The following DENND1A variants were observed in gnomAD, a reference collection of about 807,000 sequenced individuals.
The protein encoded by DENND1A is DENN domain containing 1A.
In DENND1A, 51 loss-of-function variants were observed where a neutral mutation model predicts 113.7. The ratio of observed to expected loss-of-function variants is 0.45; its 90% CI spans 0.36 to 0.57. The LOEUF (loss-of-function observed/expected upper bound fraction) is 0.57, where lower values mean the gene tolerates loss of function less well. DENND1A is among the 20% of genes least tolerant of loss of function. The probability of loss-of-function intolerance (pLI) is 0.00; values close to 1 mark genes in which losing one functional copy is unlikely to be tolerated. For missense variants in DENND1A, 1,258 were observed against 1,395.9 expected (o/e 0.90, Z 1.57); for synonymous variants, 565 against 570.8 (o/e 0.99, Z 0.14).
At chr9:123,552,023 G>GAGAGAGAGAGAGAC (rs1276125302) in intron 13 of DENND1A, among the ~76,000 whole-genome samples, 1,998 of 140,848 alleles carry the variant, frequency 0.014, 25 homozygotes, top group Middle Eastern at 0.029. Flanking sequence ...GAGAGCGAGA[G>GAGAGAGAGAGAGAC]AGAGAGAGAG....
At chr9:123,493,893 A>G (rs1247783888) in intron 13 of DENND1A, among the ~76,000 whole-genome samples, 1 of 152,164 alleles carries the variant, frequency 6.6e-6, no homozygotes, top group African/African-American at 2.4e-5. Flanking sequence ...CCTGAGAGCA[A>G]TTTGAAAGAA....
chr9:123,848,515 T>C (rs1261414854), intron 2 of DENND1A, among the ~76,000 whole-genome samples: 3 of 152,180 alleles, frequency 2.0e-5, no homozygotes, highest in African/African-American at 7.2e-5. Context: ...TTCTCCCATC[T>C]TTCTCTTCCT....
chr9:123,383,817 G>C lies in DENND1A; in HGVS notation c.1857C>G (p.Val619=). The part of the protein sequence containing the change: ...EQQVRKSTGP[V]PAPPDRAASI... ...TGGCAGCCCGGTCAGGGGGAGCTGG[G>C]ACAGGGCCTGTGGACTTCCGCACTT... Residue 619 remains valine, a synonymous_variant, in exon 23 of 24, where the codon GTC becomes GTG. Coordinates refer to ENST00000394215, the MANE Select transcript of DENND1A (RefSeq NM_001352964.2). 1 of 1,613,980 alleles carries C rather than the reference G, an allele frequency of 6.2e-7. No individual in the cohort carries two copies. The highest frequency in any genetic ancestry group is 2.2e-5 in the East Asian group (1 of 44,886).
intron 2 of DENND1A, chr9:123,843,615 A>G (rs949825879): frequency 5.8e-6 from 1 of 171,456 alleles, no homozygotes; most frequent in Non-Finnish European, 1.3e-5. Context: ...CTTTAGCAAC[A>G]TGGATGGACT....
chr9:123,705,352 A>G (rs1226005574), intron 5 of DENND1A, among the ~76,000 whole-genome samples: 5 of 152,190 alleles, frequency 3.3e-5, no homozygotes, highest in Admixed American at 6.5e-5. Context: ...ACAGCTGGAC[A>G]AGAAAAGGAA....
At chr9:123,853,108 C>T (rs974163243) in intron 2 of DENND1A, among the ~76,000 whole-genome samples, 8 of 151,442 alleles carry the variant, frequency 5.3e-5, no homozygotes, top group South Asian at 2.1e-4. Flanking sequence ...TTAGTAGACA[C>T]GAGGTTTCAC....
Position 123,434,658 on chromosome 9 carries a change from C to T in DENND1A, c.1488+5702G>A, listed in dbSNP as rs142755759. Among the ~76,000 whole-genome samples, 240 of 152,174 alleles carry T rather than the reference C, an allele frequency of 1.6e-3. 1 individual carries two copies. The highest frequency in any genetic ancestry group is 5.6e-3 in the South Asian group (27 of 4,806). On this transcript the variant is annotated intron_variant, in intron 19 of 23. Transcript: ENST00000394215. ...GCGTGTGCATAGTCCTGGGGTAGCA[C>T]GAGGACAGAAGCAACTCACTCTTCC...
At chr9:123,579,429 A>G (rs180777506) in intron 12 of DENND1A, among the ~76,000 whole-genome samples, 102 of 152,292 alleles carry the variant, frequency 6.7e-4, no homozygotes, top group African/African-American at 2.3e-3. Context: ...AATTACATTC[A>G]CTGATGGAAT....
At chr9:123,426,628 T>C (rs1181831083) in intron 19 of DENND1A, among the ~76,000 whole-genome samples, 1 of 152,148 alleles carries the variant, frequency 6.6e-6, no homozygotes, top group African/African-American at 2.4e-5. Context: ...CAGACCTCCC[T>C]CTCTGGCTGG....
intron 5 of DENND1A, among the ~76,000 whole-genome samples, chr9:123,681,864 G>GA (rs1201630064): frequency 1.1e-4 from 16 of 150,790 alleles, no homozygotes; most frequent in Non-Finnish European, 1.3e-4. Context: ...TGGGCTCCTT[G>GA]AAAAAAAATG....
intron 5 of DENND1A, among the ~76,000 whole-genome samples, chr9:123,693,270 G>A (rs2065288028): frequency 6.6e-6 from 1 of 152,174 alleles, no homozygotes; most frequent in Admixed American, 6.5e-5. Flanking sequence ...ACACAGCACT[G>A]AGATCATCTG....
chr9:123,397,018 A>T (rs2043171888), intron 21 of DENND1A, among the ~76,000 whole-genome samples: 1 of 152,208 alleles, frequency 6.6e-6, no homozygotes, highest in African/African-American at 2.4e-5. Flanking sequence ...GGGCAGTGAC[A>T]ATCTCTTGAA....
At chr9:123,642,623 G>A (rs1251886582) in intron 9 of DENND1A, among the ~76,000 whole-genome samples, 1 of 152,166 alleles carries the variant, frequency 6.6e-6, no homozygotes. Context: ...AGAATTCTCT[G>A]TTTGGTAAGT....
At chr9:123,721,230 G>C (rs1236783194) in intron 5 of DENND1A, among the ~76,000 whole-genome samples, 1 of 152,170 alleles carries the variant, frequency 6.6e-6, no homozygotes, top group African/African-American at 2.4e-5. Context: ...CTGACTTCAG[G>C]ATCAAGTCCA....
Position 123,664,226 on chromosome 9 carries a change from T to C in DENND1A, c.507+2800A>G, listed in dbSNP as rs534744716. On this transcript the variant is annotated intron_variant, in intron 8 of 23. Transcript: ENST00000394215. ...AAACACCTTAACCACCTAAACCTGA[T>C]AGATTTTTTTGAAGGATGGAGATTG... 4.6e-5 allele frequency among the ~76,000 whole-genome samples: 7 copies of C among 152,334 alleles called. No individual in the cohort carries two copies. In the South Asian group the frequency reaches 6.2e-4, roughly 14 times the overall value.
rs151298230 is a variant in DENND1A, at chr9:123,504,370, C to T, written c.994-46473G>A. Among the ~76,000 whole-genome samples the T allele has an allele frequency of 2.1e-3, 324 of 152,286 alleles. 2 individuals are homozygous for T. The highest frequency in any genetic ancestry group is 3.9e-3 in the Non-Finnish European group (263 of 68,028). ...GGAGGTAAGCTCCTGGAAGGCAGGA[C>T]CATGAATGGTTTGTCTTTGTATACC... On this transcript the variant is annotated intron_variant, in intron 13 of 23. Transcript: ENST00000394215.
chr9:123,659,535 A>T (rs2063125084), intron 8 of DENND1A, among the ~76,000 whole-genome samples: 1 of 152,224 alleles, frequency 6.6e-6, no homozygotes, highest in Admixed American at 6.5e-5. Flanking sequence ...TTAAGACTAG[A>T]ATTCTGGGAG....
At chr9:123,573,465 A>C (rs1352628211) in intron 12 of DENND1A, among the ~76,000 whole-genome samples, 1 of 152,094 alleles carries the variant, frequency 6.6e-6, no homozygotes, top group Admixed American at 6.5e-5. Context: ...AGGTCTTTTA[A>C]ATTTTTTTTC....
At chr9:123,561,843 G>C (rs2057776493) in intron 12 of DENND1A, among the ~76,000 whole-genome samples, 1 of 152,142 alleles carries the variant, frequency 6.6e-6, no homozygotes, top group Admixed American at 6.5e-5. Context: ...CCAGGCGTCA[G>C]ATGTCAGATT....
Sources: gnomAD v4.1 joint callset for allele counts (sites outside exome capture counted in the v4.1 genomes callset) on GRCh38, gnomAD v4.1.1 for gene constraint, MANE v1.5 for transcripts, NCBI Gene and HGNC (gene_info 2026-07-23, HGNC 2026-07-21) for gene names.